The following DIABLO variants were observed in gnomAD, a reference collection of about 807,000 sequenced individuals.
DIABLO encodes the protein diablo IAP-binding mitochondrial protein.
In DIABLO, 32 loss-of-function variants were observed where a neutral mutation model predicts 31.7. That is an observed-to-expected ratio of 1.01 (90% confidence interval 0.76 to 1.35). DIABLO has a LOEUF of 1.35. Among genes scored for constraint, DIABLO ranks in the 40% most tolerant of loss-of-function variants. The pLI is 0.00. For synonymous variants in DIABLO, 132 were observed against 103.2 expected, an observed-to-expected ratio of 1.28 and a Z score of -1.69; for missense variants, 316 against 286.4, an observed-to-expected ratio of 1.10 and a Z score of -0.75.
intron 5 of DIABLO, among the ~76,000 whole-genome samples, chr12:122,210,816 G>C: frequency 6.6e-6 from 1 of 151,792 alleles, no homozygotes; most frequent in African/African-American, 2.4e-5. Context: ...ACATTTGTTA[G>C]GTGTTTAAAA....
At chr12:122,226,065 TGAGCGCG>T (rs1374156252), upstream of DIABLO, 2 of 1,575,186 alleles carry the variant, frequency 1.3e-6, no homozygotes, top group African/African-American at 1.3e-5. Context: ...CGCAGCTTCG[TGAGCGCG>T]GAGCGGGGCA....
Position 122,207,864 on chromosome 12 carries a change from GC to G in DIABLO, c.*516del. 6.5e-6 allele frequency: 3 copies of G among 460,652 alleles called. No homozygotes were observed. Among genetic ancestry groups the G allele is most frequent in the South Asian group, 4.6e-5 (3 of 64,538 alleles). The allele number at this position is 460,652 out of a possible 1,614,324, so 28.5% of individuals were successfully genotyped here. On this transcript the variant is annotated 3_prime_UTR_variant, in exon 6 of 6. Coordinates refer to ENST00000464942, the MANE Select transcript of DIABLO (RefSeq NM_001371333.1). The stretch of plus-strand genomic sequence containing the variant: ...GTAGTAATAGGTTTTTCACTCCTTG[GC>G]CTCAGCTGTCCTCACAGGACAGTGG...
intron 1 of DIABLO, chr12:122,224,963 T>A (rs1954419898): frequency 4.6e-6 from 3 of 647,478 alleles, no homozygotes; most frequent in African/African-American, 3.9e-5. Context: ...TAAAAAAAAA[T>A]AAGTAAATAA....
chr12:122,217,178 C>A (rs1359848572), intron 3 of DIABLO: 3 of 359,732 alleles, frequency 8.3e-6, no homozygotes, highest in Non-Finnish European at 1.6e-5. Flanking sequence ...AACAAATGCA[C>A]AAATGAGACT....
chr12:122,226,289 C>A (rs909538974), upstream of DIABLO: 5 of 673,976 alleles, frequency 7.4e-6, no homozygotes, highest in South Asian at 1.6e-5. Flanking sequence ...GGAGCTGAGT[C>A]GGGCGCCGTG....
intron 2 of DIABLO, chr12:122,221,050 G>T (rs911932419): frequency 1.3e-5 from 2 of 152,146 alleles, no homozygotes; most frequent in African/African-American, 4.8e-5. Context: ...GTCACATCTA[G>T]ACCTCAAACC....
At chr12:122,213,283 A>G (rs1325484003) in intron 5 of DIABLO, among the ~76,000 whole-genome samples, 1 of 151,902 alleles carries the variant, frequency 6.6e-6, no homozygotes, top group Admixed American at 6.6e-5. Flanking sequence ...TAATCCCAGC[A>G]GTTTGAGAGG....
chr12:122,224,800 C>CA (rs1954414707), intron 1 of DIABLO, 156 bp from the exon 2 acceptor site: 1 of 1,545,714 alleles, frequency 6.5e-7, no homozygotes, highest in African/African-American at 1.4e-5. Context: ...CAACATACAC[C>CA]AAGTTTAAAA....
chr12:122,215,582 TGACAGG>T (rs1954190394), intron 5 of DIABLO, among the ~76,000 whole-genome samples: 1 of 151,934 alleles, frequency 6.6e-6, no homozygotes, highest in Admixed American at 6.6e-5. Context: ...CCAGCCTGGG[TGACAGG>T]AACAAAACTC....
intron 2 of DIABLO, among the ~76,000 whole-genome samples, chr12:122,223,654 C>T (rs1954383268): frequency 6.6e-6 from 1 of 152,136 alleles, no homozygotes; most frequent in Admixed American, 6.6e-5. Flanking sequence ...TTCTGAGTTC[C>T]TTCTGCCTGG....
intron 5 of DIABLO, among the ~76,000 whole-genome samples, chr12:122,209,292 G>A (rs908165712): frequency 2.0e-5 from 3 of 152,000 alleles, no homozygotes; most frequent in Middle Eastern, 3.2e-3. Context: ...GGACCCGGGA[G>A]GCGAAGGCTG....
At chr12:122,226,079 G>C, upstream of DIABLO, 1 of 1,558,596 alleles carries the variant, frequency 6.4e-7, no homozygotes, top group Non-Finnish European at 8.7e-7. Context: ...CGCGGAGCGG[G>C]GCACGGCCTC....
At chr12:122,225,702 G>A (rs1954447450) in intron 1 of DIABLO, 8 of 1,408,278 alleles carry the variant, frequency 5.7e-6, no homozygotes, top group South Asian at 1.5e-5. Flanking sequence ...TGGTCAGGAG[G>A]CGGAGCAGCC....
At chr12:122,224,791 A>G (rs768954007) in intron 1 of DIABLO, 147 bp from the exon 2 acceptor site, 1 of 1,556,530 alleles carries the variant, frequency 6.4e-7, no homozygotes, top group Non-Finnish European at 8.7e-7. Flanking sequence ...TGAAATTTTC[A>G]ACATACACCA....
chr12:122,225,754 G>A lies in DIABLO; in HGVS notation c.50+211C>T, dbSNP rs1566030506. The A allele has an allele frequency of 3.5e-6, 5 of 1,438,040 alleles. No homozygotes were observed. The Middle Eastern group carries it at 7.7e-4, about 222-fold the overall frequency. The allele number at this position is 1,438,040 out of a possible 1,614,324, so 89.1% of individuals were successfully genotyped here. A position where few individuals can be genotyped will look rare whatever the true frequency, so the allele number is the denominator to read the frequency against. ...GGGTCTCGGGGACTCGTTTCTAGAA[G>A]ATGGACGAACTGAAAAGGAAGCCGG... is the stretch of plus-strand genomic sequence containing the variant. On this transcript the variant is annotated intron_variant, in intron 1 of 5. Coordinates refer to ENST00000464942, the MANE Select transcript of DIABLO (RefSeq NM_001371333.1).
intron 1 of DIABLO, chr12:122,225,532 G>A (rs902967934): frequency 3.0e-5 from 33 of 1,092,900 alleles, no homozygotes; most frequent in Non-Finnish European, 3.5e-5. Flanking sequence ...TCGCCCAGGA[G>A]CCTGCAGCGC....
chr12:122,216,357 A>T (rs1954210900), intron 5 of DIABLO, 131 bp downstream of exon 5: 2 of 758,542 alleles, frequency 2.6e-6, no homozygotes, highest in Non-Finnish European at 4.4e-6. Flanking sequence ...AATGGGGAAA[A>T]TTTCTCAAAG....
chr12:122,216,870 C>T lies in DIABLO; in HGVS notation c.316-1G>A. On this transcript the variant is annotated splice_acceptor_variant, in intron 3 of 5. Coordinates refer to ENST00000464942, the MANE Select transcript of DIABLO (RefSeq NM_001371333.1). LOFTEE classifies it high-confidence loss of function. Reference sequence around the variant, plus strand: ...AAAGAGAAGTTAAGGTATAAACAGCCTACAAATAGAGAATGAACAAGTCTG... The same window carrying T: ...AAAGAGAAGTTAAGGTATAAACAGCTTACAAATAGAGAATGAACAAGTCTG... The T allele has an allele frequency of 1.9e-6, 3 of 1,609,598 alleles. No homozygotes were observed. The highest frequency in any genetic ancestry group is 2.6e-6 in the Non-Finnish European group (3 of 1,176,218).
chr12:122,223,963 G>A (rs1447184197), intron 2 of DIABLO, among the ~76,000 whole-genome samples: 1 of 151,986 alleles, frequency 6.6e-6, no homozygotes, highest in Non-Finnish European at 1.5e-5. Flanking sequence ...ACCACACCCG[G>A]CTAAATTTTT....
Sources: gnomAD v4.1 joint callset for allele counts (sites outside exome capture counted in the v4.1 genomes callset) on GRCh38, gnomAD v4.1.1 for gene constraint, MANE v1.5 for transcripts, NCBI Gene and HGNC (gene_info 2026-07-23, HGNC 2026-07-21) for gene names.